PCM1: variants seen among roughly 807,000 people sequenced by gnomAD.
The protein encoded by PCM1 is pericentriolar material 1.
In PCM1, 157 loss-of-function variants were observed where a neutral mutation model predicts 241.9. That is an observed-to-expected ratio of 0.65 (90% CI 0.57 to 0.74). PCM1 has a LOEUF of 0.74. Among genes scored for constraint, PCM1 ranks in the 30% least tolerant of loss-of-function variants. The pLI, the probability that PCM1 is intolerant of heterozygous loss-of-function variation, is 0.00. For missense variants in PCM1, 3,478 were observed against 2,360.1 expected (o/e 1.47, Z -9.81); for synonymous variants, 1,085 against 784.9 (o/e 1.38, Z -6.39).
chr8:18,028,334 AT>A lies in PCM1; in HGVS notation c.*675del, dbSNP rs2094362043. 1 of 190,434 alleles carries A rather than the reference AT, an allele frequency of 5.3e-6. No homozygotes were observed. Among genetic ancestry groups the A allele is most frequent in the African/African-American group, 2.3e-5 (1 of 42,942 alleles). 11.8% of individuals were successfully genotyped at this position (190,434 alleles called of 1,614,324 possible). On this transcript the variant is annotated 3_prime_UTR_variant, in exon 39 of 39. Coordinates refer to ENST00000325083, the MANE Select transcript of PCM1 (RefSeq NM_006197.4). The stretch of plus-strand genomic sequence containing the variant: ...ACATCATTATCATCTGTTTGTTAGG[AT>A]TTGAAATTCTGGAAAATATTTATCT...
chr8:17,954,384 G>A (rs1374203973), intron 9 of PCM1, among the ~76,000 whole-genome samples: 5 of 148,702 alleles, frequency 3.4e-5, no homozygotes, highest in African/African-American at 1.0e-4. Context: ...CCAAGATCGT[G>A]CCATTGCACT....
At chr8:17,936,321 C>CAGTT (rs1270311623) in intron 3 of PCM1, among the ~76,000 whole-genome samples, 4 of 151,998 alleles carry the variant, frequency 2.6e-5, no homozygotes, top group Non-Finnish European at 5.9e-5. Flanking sequence ...GGTGGAAGGA[C>CAGTT]AGTTCATAAA....
chr8:17,977,370 C>G (rs185873331), intron 23 of PCM1, among the ~76,000 whole-genome samples: 1 of 152,200 alleles, frequency 6.6e-6, no homozygotes, highest in African/African-American at 2.4e-5. Context: ...TGAAGTCTTA[C>G]ATAATGGCCT....
chr8:17,980,514 T>C lies in PCM1; in HGVS notation c.3944-77T>C, dbSNP rs373010969. The C allele has an allele frequency of 2.9e-5, 36 of 1,224,456 alleles. No homozygotes were observed. In the African/African-American group the frequency reaches 4.7e-4, roughly 16 times the overall value. The allele number at this position is 1,224,456 out of a possible 1,614,324, so 75.8% of individuals were successfully genotyped here. A position where few individuals can be genotyped will look rare whatever the true frequency, so the allele number is the denominator to read the frequency against. ...ATTGTAAATTGAGTTACCTGTACTG[T>C]TACACAATGGAAACCGATTTCCCTT... On this transcript the variant is annotated intron_variant, in intron 23 of 38. Transcript: ENST00000325083.
At chr8:17,937,020 C>A (rs1432968588) in intron 3 of PCM1, 114 bp from the exon 4 acceptor site, 5 of 791,564 alleles carry the variant, frequency 6.3e-6, no homozygotes, top group Non-Finnish European at 7.9e-6. Context: ...ATAAGTCTGT[C>A]AAAAATGTCT....
At chr8:17,934,548 A>T (rs969552286) in intron 2 of PCM1, among the ~76,000 whole-genome samples, 4 of 152,238 alleles carry the variant, frequency 2.6e-5, no homozygotes, top group Non-Finnish European at 5.9e-5. Flanking sequence ...GGCGTGAGCC[A>T]CTGCACCCAG....
intron 36 of PCM1, among the ~76,000 whole-genome samples, chr8:18,024,672 A>G (rs2094029418): frequency 6.6e-6 from 1 of 152,130 alleles, no homozygotes; most frequent in Non-Finnish European, 1.5e-5. Flanking sequence ...AGGAAGTGAA[A>G]TGGTCAAATT....
chr8:18,016,238 G>A (rs1001577168), intron 36 of PCM1, among the ~76,000 whole-genome samples: 1 of 152,076 alleles, frequency 6.6e-6, no homozygotes, highest in Non-Finnish European at 1.5e-5. Context: ...ATGTTTGACA[G>A]TAACTAGACT....
intron 29 of PCM1, among the ~76,000 whole-genome samples, chr8:18,001,572 G>T (rs939572573): frequency 2.0e-5 from 3 of 152,160 alleles, no homozygotes; most frequent in African/African-American, 7.2e-5. Context: ...TTCTGAGATG[G>T]CATTCATTAC....
intron 34 of PCM1, chr8:18,013,709 A>C: frequency 3.0e-6 from 1 of 337,108 alleles, no homozygotes; most frequent in African/African-American, 2.1e-5. Context: ...GTCTGAAAAA[A>C]AATGAACAGT....
At position 17,941,061 on chromosome 8, in the gene PCM1, G is replaced by A. The variant is rs572453919; in HGVS notation, c.783+1200G>A. 7.2e-5 allele frequency among the ~76,000 whole-genome samples: 11 copies of A among 152,252 alleles called. No homozygotes were observed. In the South Asian group the frequency reaches 2.3e-3, roughly 32 times the overall value. ...TCCCGGACCTTCCTAATTTGAAGAGGTGATTTGGATTTCTTTTCTCTACAT... is the reference window on the plus strand; with the variant it reads ...TCCCGGACCTTCCTAATTTGAAGAGATGATTTGGATTTCTTTTCTCTACAT... On this transcript the variant is annotated intron_variant, in intron 6 of 38. Transcript: ENST00000325083.
intron 6 of PCM1, among the ~76,000 whole-genome samples, 177 bp from the exon 7 acceptor site, chr8:17,947,009 A>G (rs184924563): frequency 2.6e-4 from 39 of 152,194 alleles, no homozygotes; most frequent in Admixed American, 1.3e-3. Context: ...CAGGCTATAT[A>G]TATATCTCTG....
rs553001528 is a variant in PCM1 at position 17,981,019 on chromosome 8, A to C, written c.4108+264A>C. 1.1e-3 allele frequency among the ~76,000 whole-genome samples: 175 copies of C among 152,336 alleles called. 2 individuals are homozygous for C. Among genetic ancestry groups the C allele is most frequent in the African/African-American group, 4.0e-3 (167 of 41,578 alleles). ...CAATTGTGGAACTCTTCAAATTCTG[A>C]AAATCTTATCTGATTAAGAATTAGA... is the stretch of plus-strand genomic sequence containing the variant. On this transcript the variant is annotated intron_variant, in intron 24 of 38. Coordinates refer to ENST00000325083, the MANE Select transcript of PCM1 (RefSeq NM_006197.4).
chr8:18,008,573 C>T (rs183648165), intron 30 of PCM1, among the ~76,000 whole-genome samples: 4 of 152,132 alleles, frequency 2.6e-5, no homozygotes, highest in Admixed American at 6.5e-5. Flanking sequence ...TTGGGGACTG[C>T]TAATTTATGT....
chr8:17,994,616 A>G (rs1015043287), intron 29 of PCM1, among the ~76,000 whole-genome samples: 3 of 152,170 alleles, frequency 2.0e-5, no homozygotes, highest in Non-Finnish European at 4.4e-5. Context: ...CAACTTCCAA[A>G]CTGTTCTCCA....
At position 17,963,308 on chromosome 8, in the gene PCM1, A is replaced by C. The variant is rs1362318938; in HGVS notation, c.2654+17A>C. On this transcript the variant is annotated intron_variant, in intron 17 of 38. Transcript: ENST00000325083. ...AACAGAAAAGTAAGAGAGCTGCATA[A>C]ATCACTTTTCTAAAAATGTCACCTG... is the stretch of plus-strand genomic sequence containing the variant. 6.4e-7 allele frequency: 1 copy of C among 1,556,942 alleles called. No individual in the cohort carries two copies. Among genetic ancestry groups the C allele is most frequent in the Non-Finnish European group, 8.6e-7 (1 of 1,157,890 alleles).
intron 30 of PCM1, among the ~76,000 whole-genome samples, chr8:18,006,637 A>G (rs1317724976): frequency 6.6e-6 from 1 of 152,178 alleles, no homozygotes. Context: ...TGTCTCTTAT[A>G]AGCTTTTACT....
intron 6 of PCM1, among the ~76,000 whole-genome samples, chr8:17,944,738 T>A (rs957999431): frequency 6.6e-6 from 1 of 152,190 alleles, no homozygotes; most frequent in Admixed American, 6.5e-5. Context: ...CATCATAGGC[T>A]GTACTCCCAT....
chr8:18,026,025 G>T (rs186902275), intron 38 of PCM1, among the ~76,000 whole-genome samples: 1 of 151,306 alleles, frequency 6.6e-6, no homozygotes, highest in Non-Finnish European at 1.5e-5. Context: ...TCAGCCAAGC[G>T]CGGTGGCGGG....
Sources: gnomAD v4.1 joint callset for allele counts (sites outside exome capture counted in the v4.1 genomes callset) on GRCh38, gnomAD v4.1.1 for gene constraint, MANE v1.5 for transcripts, NCBI Gene and HGNC (gene_info 2026-07-23, HGNC 2026-07-21) for gene names.